Variants in CDH18 observed in about 807,000 individuals in gnomAD.
The protein encoded by CDH18 is cadherin-18.
In CDH18, 31 loss-of-function variants were observed where a neutral mutation model predicts 67.9. The ratio of observed to expected loss-of-function variants is 0.46; its 90% CI spans 0.34 to 0.62. The LOEUF (loss-of-function observed/expected upper bound fraction) is 0.62. Among genes scored for constraint, CDH18 ranks in the 20% least tolerant of loss-of-function variants. CDH18 has a pLI of 0.01. For missense variants in CDH18, 890 were observed against 975.5 expected, an observed-to-expected ratio of 0.91 and a Z score of 1.17; for synonymous variants, 362 against 347.2, an observed-to-expected ratio of 1.04 and a Z score of -0.48.
intron 4 of CDH18, among the ~76,000 whole-genome samples, chr5:19,733,541 C>A (rs1767896417): frequency 6.6e-6 from 1 of 152,150 alleles, no homozygotes; most frequent in East Asian, 2.0e-4. Flanking sequence ...TCAGTATGAC[C>A]TCATTCTTCT....
At chr5:20,491,680 C>A (rs1168658626) in intron 1 of CDH18, among the ~76,000 whole-genome samples, 1 of 152,162 alleles carries the variant, frequency 6.6e-6, no homozygotes, top group African/African-American at 2.4e-5. Context: ...TATTCAGGCC[C>A]TCAACTGATT....
chr5:20,573,837 A>ATATATATG (rs1326910589), intron 1 of CDH18, among the ~76,000 whole-genome samples: 2 of 56,546 alleles, frequency 3.5e-5, no homozygotes, highest in African/African-American at 1.1e-4. Flanking sequence ...ATATATATAT[A>ATATATATG]TATATATGTA....
chr5:20,290,166 G>T (rs1746998793), intron 1 of CDH18, among the ~76,000 whole-genome samples: 1 of 152,064 alleles, frequency 6.6e-6, no homozygotes. Flanking sequence ...CTATGAGCTT[G>T]TTAGGACTCT....
In CDH18 at chr5:20,531,150, A is replaced by T. The variant is rs368790947; in HGVS notation, c.-580+44312T>A. On this transcript the variant is annotated intron_variant, in intron 1 of 14. Coordinates refer to the CDH18 transcript ENST00000507958. ...AACATATGAAAAATAGCTCAACACC[A>T]CTGATAATTAGAGAATTGCAAATTA... Among the ~76,000 whole-genome samples the T allele has an allele frequency of 4.3e-4, 66 of 152,218 alleles. 1 individual carries two copies. Among genetic ancestry groups the T allele is most frequent in the African/African-American group, 1.5e-3 (62 of 41,498 alleles).
chr5:20,216,061 T>C (rs567665142), intron 2 of CDH18, among the ~76,000 whole-genome samples: 2 of 151,964 alleles, frequency 1.3e-5, no homozygotes, highest in Non-Finnish European at 2.9e-5. Flanking sequence ...ATAATCTGTA[T>C]AATAAACCCC....
chr5:19,864,636 G>A (rs1322898711), intron 2 of CDH18, among the ~76,000 whole-genome samples: 5 of 152,050 alleles, frequency 3.3e-5, no homozygotes, highest in Non-Finnish European at 7.4e-5. Flanking sequence ...AATCCCATGC[G>A]ATCATCCTGG....
At chr5:20,168,585 G>C (rs968701647) in intron 2 of CDH18, among the ~76,000 whole-genome samples, 1 of 152,066 alleles carries the variant, frequency 6.6e-6, no homozygotes, top group East Asian at 1.9e-4. Flanking sequence ...CAAGATATAG[G>C]TTCTAGTGTG....
At chr5:19,495,069 C>T (rs566557245) in intron 11 of CDH18, among the ~76,000 whole-genome samples, 1 of 152,136 alleles carries the variant, frequency 6.6e-6, no homozygotes, top group South Asian at 2.1e-4. Flanking sequence ...ATGTAGCAGG[C>T]ATGTAAAAGT....
chr5:20,174,696 A>G (rs1348171415), intron 2 of CDH18, among the ~76,000 whole-genome samples: 5 of 152,172 alleles, frequency 3.3e-5, no homozygotes, highest in Non-Finnish European at 5.9e-5. Flanking sequence ...TATACTTCCA[A>G]TGAAAAATAC....
At chr5:20,337,054 A>G (rs562903489) in intron 1 of CDH18, among the ~76,000 whole-genome samples, 1 of 152,228 alleles carries the variant, frequency 6.6e-6, no homozygotes, top group South Asian at 2.1e-4. Flanking sequence ...CTGCCACATA[A>G]AAGAGGCTGA....
intron 5 of CDH18, among the ~76,000 whole-genome samples, chr5:19,641,352 T>G (rs1009784927): frequency 6.6e-6 from 1 of 151,948 alleles, no homozygotes; most frequent in East Asian, 1.9e-4. Flanking sequence ...AAGGCCTGAA[T>G]CACCCTGATA....
chr5:19,641,325 C>A (rs2150225523), intron 5 of CDH18, among the ~76,000 whole-genome samples: 1 of 151,938 alleles, frequency 6.6e-6, no homozygotes, highest in South Asian at 2.1e-4. Context: ...ATAGGAACAC[C>A]TCTAAACTCA....
At chr5:19,519,786 G>A (rs936136495) in intron 10 of CDH18, among the ~76,000 whole-genome samples, 2 of 152,080 alleles carry the variant, frequency 1.3e-5, no homozygotes, top group African/African-American at 4.8e-5. Flanking sequence ...GCAGCCTTGA[G>A]GAGTAAAGGA....
intron 9 of CDH18, among the ~76,000 whole-genome samples, chr5:19,522,632 C>T (rs531947867): frequency 3.0e-4 from 46 of 152,202 alleles, no homozygotes; most frequent in African/African-American, 7.2e-4. Flanking sequence ...TGGTGGCTCA[C>T]GCCTGTAATC....
At chr5:19,748,157 AT>A (rs1200762829) in intron 3 of CDH18, among the ~76,000 whole-genome samples, 1 of 134,112 alleles carries the variant, frequency 7.5e-6, no homozygotes, top group East Asian at 2.2e-4. Flanking sequence ...GGGATAGAGT[AT>A]TTTTTTAGTT....
intron 11 of CDH18, among the ~76,000 whole-genome samples, chr5:19,493,537 G>GGGGTGTGT (rs1275722116): frequency 5.4e-5 from 8 of 147,938 alleles, no homozygotes; most frequent in South Asian, 2.2e-4. Flanking sequence ...AGGGAATTGG[G>GGGGTGTGT]GTGTGTGTGT....
At chr5:20,261,052 T>A (rs1692196101) in intron 1 of CDH18, among the ~76,000 whole-genome samples, 1 of 152,150 alleles carries the variant, frequency 6.6e-6, no homozygotes, top group East Asian at 1.9e-4. Context: ...TTTGTGATAA[T>A]TTGTCATGTG....
intron 5 of CDH18, among the ~76,000 whole-genome samples, chr5:19,713,107 T>A (rs897688412): frequency 9.0e-3 from 7 of 774 alleles, no homozygotes; most frequent in Non-Finnish European, 0.081. Flanking sequence ...TTCCCAGTAT[T>A]TTTTTTTTCT....
chr5:19,570,022 ACT>A (rs1741110940), intron 8 of CDH18, among the ~76,000 whole-genome samples: 1 of 152,116 alleles, frequency 6.6e-6, no homozygotes, highest in African/African-American at 2.4e-5. Context: ...TTCACAGCAA[ACT>A]TATATCATGA....
Sources: allele counts gnomAD v4.1 joint callset (sites outside exome capture counted in the v4.1 genomes callset), GRCh38; gene constraint gnomAD v4.1.1; transcripts MANE v1.5; gene names NCBI Gene and HGNC (gene_info 2026-07-23, HGNC 2026-07-21).